IPO11: variants seen among roughly 807,000 people sequenced by gnomAD.
The protein encoded by IPO11 is importin-11.
IPO11 carries 66 observed loss-of-function variants against 143.2 expected under a neutral mutation model. That is an observed-to-expected ratio of 0.46 (90% CI 0.38 to 0.57). The LOEUF is 0.57. IPO11 is among the 20% of genes least tolerant of loss of function. The probability of loss-of-function intolerance (pLI) is 0.00; values close to 1 mark genes in which losing one functional copy is unlikely to be tolerated. For synonymous variants in IPO11, 385 were observed against 377.8 expected (o/e 1.02, Z -0.22); for missense variants, 1,026 against 1,141.0 (o/e 0.90, Z 1.45).
At chr5:62,420,783 G>A (rs1286603697) in intron 1 of IPO11, among the ~76,000 whole-genome samples, 1 of 152,020 alleles carries the variant, frequency 6.6e-6, no homozygotes, top group East Asian at 1.9e-4. Flanking sequence ...GTTTCTCCAT[G>A]TTGCCCAGGC....
At chr5:62,457,012 G>A (rs1745184614) in intron 5 of IPO11, among the ~76,000 whole-genome samples, 1 of 152,106 alleles carries the variant, frequency 6.6e-6, no homozygotes, top group African/African-American at 2.4e-5. Context: ...CCTGGGAGGC[G>A]GAGGTTGCAG....
At chr5:62,481,898 G>C (rs530922986) in intron 9 of IPO11, among the ~76,000 whole-genome samples, 2 of 152,074 alleles carry the variant, frequency 1.3e-5, no homozygotes, top group Non-Finnish European at 2.9e-5. Context: ...GATAGAATTC[G>C]GCTGTGAATC....
intron 24 of IPO11, among the ~76,000 whole-genome samples, chr5:62,544,412 A>G (rs1743079357): frequency 6.6e-6 from 1 of 152,210 alleles, no homozygotes; most frequent in Non-Finnish European, 1.5e-5. Context: ...CCTTCATGCT[A>G]AAAACCCTCA....
intron 27 of IPO11, among the ~76,000 whole-genome samples, chr5:62,568,831 A>G (rs773822830): frequency 6.6e-6 from 1 of 152,146 alleles, no homozygotes; most frequent in African/African-American, 2.4e-5. Context: ...TGAGCTTTAA[A>G]GAATTAGATA....
At chr5:62,463,075 A>T (rs539726649) in intron 5 of IPO11, among the ~76,000 whole-genome samples, 1 of 151,692 alleles carries the variant, frequency 6.6e-6, no homozygotes, top group African/African-American at 2.4e-5. Flanking sequence ...ACAGTGTCTC[A>T]CTCTTGTCCT....
intron 1 of IPO11, among the ~76,000 whole-genome samples, chr5:62,414,706 A>T (rs1743228179): frequency 6.6e-6 from 1 of 152,248 alleles, no homozygotes; most frequent in Admixed American, 6.5e-5. Flanking sequence ...CTCAGGCTCA[A>T]TCCAGAGCTG....
chr5:62,419,730 A>C (rs764304969), intron 1 of IPO11, among the ~76,000 whole-genome samples: 4 of 151,978 alleles, frequency 2.6e-5, no homozygotes, highest in Non-Finnish European at 5.9e-5. Flanking sequence ...TTGGTGGCTC[A>C]CTTCTGTAAT....
intron 7 of IPO11, among the ~76,000 whole-genome samples, chr5:62,472,279 A>T (rs1173285298): frequency 6.6e-6 from 1 of 152,164 alleles, no homozygotes; most frequent in Non-Finnish European, 1.5e-5. Flanking sequence ...CCAGAATATT[A>T]TGTTTATCTT....
At chr5:62,471,736 T>C (rs1745778537) in intron 7 of IPO11, among the ~76,000 whole-genome samples, 1 of 152,238 alleles carries the variant, frequency 6.6e-6, no homozygotes, top group Non-Finnish European at 1.5e-5. Context: ...ATATGATTAG[T>C]GTCAGTAGAC....
chr5:62,503,490 A>C (rs528504008), intron 16 of IPO11, among the ~76,000 whole-genome samples: 400 of 151,488 alleles, frequency 2.6e-3, no homozygotes, highest in Non-Finnish European at 4.7e-3. Context: ...AGATTGTAAG[A>C]TCTGTATGGG....
At chr5:62,488,976 C>G (rs27449) in intron 13 of IPO11, among the ~76,000 whole-genome samples, 59,481 of 152,008 alleles carry the variant, frequency 0.39, 12,991 homozygotes, top group South Asian at 0.51. Flanking sequence ...CCACTGTACT[C>G]CAGCCTGGGT....
At chr5:62,426,838 T>C (rs1238100530) in intron 1 of IPO11, among the ~76,000 whole-genome samples, 3 of 149,348 alleles carry the variant, frequency 2.0e-5, no homozygotes, top group African/African-American at 7.3e-5. Flanking sequence ...ATTTCTCTAG[T>C]TACAAAACAG....
At chr5:62,557,029 A>G (rs879777602) in intron 26 of IPO11, among the ~76,000 whole-genome samples, 2 of 152,176 alleles carry the variant, frequency 1.3e-5, no homozygotes, top group African/African-American at 2.4e-5. Flanking sequence ...CCCTTGGTAC[A>G]TCAGGATCCT....
chr5:62,502,972 G>A (rs1040773486), intron 16 of IPO11, among the ~76,000 whole-genome samples: 10 of 152,016 alleles, frequency 6.6e-5, no homozygotes, highest in Admixed American at 1.3e-4. Flanking sequence ...ATAGGTGCAC[G>A]CCACTATGCC....
chr5:62,527,366 CAA>C (rs1742402462), intron 21 of IPO11, among the ~76,000 whole-genome samples: 1 of 152,072 alleles, frequency 6.6e-6, no homozygotes, highest in African/African-American at 2.4e-5. Context: ...CTGTCAGTGT[CAA>C]AACAGTCATA....
chr5:62,504,629 C>G (rs776458996), intron 16 of IPO11, 38 bp from the exon 17 acceptor site: 2 of 1,248,626 alleles, frequency 1.6e-6, no homozygotes, highest in Non-Finnish European at 2.2e-6. Context: ...TTTAGTCATT[C>G]TAAAATAATT....
intron 27 of IPO11, among the ~76,000 whole-genome samples, chr5:62,584,664 A>G (rs1195834247): frequency 1.3e-5 from 2 of 148,884 alleles, no homozygotes; most frequent in East Asian, 2.0e-4. Flanking sequence ...TCACAGCAAT[A>G]GTAACAAGGT....
chr5:62,579,765 T>A, intron 27 of IPO11: 2 of 1,542,836 alleles, frequency 1.3e-6, no homozygotes, highest in Non-Finnish European at 1.8e-6. Flanking sequence ...AATTGAGGCA[T>A]CTATATTTTC....
At chr5:62,428,287 C>T (rs1284629627) in intron 1 of IPO11, among the ~76,000 whole-genome samples, 1 of 152,124 alleles carries the variant, frequency 6.6e-6, no homozygotes, top group African/African-American at 2.4e-5. Context: ...ATCTTGGCCT[C>T]CTAAAGTGCT....
Sources: allele counts gnomAD v4.1 joint callset (sites outside exome capture counted in the v4.1 genomes callset), GRCh38; gene constraint gnomAD v4.1.1; transcripts MANE v1.5; gene names NCBI Gene and HGNC (gene_info 2026-07-23, HGNC 2026-07-21).